The following ENTREP2 variants were observed in gnomAD, a reference collection of about 807,000 sequenced individuals.
ENTREP2 encodes the protein endosomal transmembrane epsin interactor 2, also known as protein ENTREP2.
the ENTREP2 span, among the ~76,000 whole-genome samples, chr15:29,345,537 C>T: frequency 6.6e-6 from 1 of 152,078 alleles, no homozygotes; most frequent in Admixed American, 6.5e-5. Flanking sequence ...GAGTTGATGC[C>T]CCCAGAGGAA....
At chr15:29,235,608 T>C in the ENTREP2 span, among the ~76,000 whole-genome samples, 273 of 152,342 alleles carry the variant, frequency 1.8e-3, 2 homozygotes, top group African/African-American at 6.0e-3. Context: ...TAGCACTAGA[T>C]GCTTACATAA....
the ENTREP2 span, among the ~76,000 whole-genome samples, chr15:29,576,426 G>A: frequency 6.6e-6 from 1 of 152,164 alleles, no homozygotes; most frequent in African/African-American, 2.4e-5. Flanking sequence ...TAGATTCTTA[G>A]ATATGACAAG....
At chr15:29,421,062 G>A in the ENTREP2 span, among the ~76,000 whole-genome samples, 31 of 152,340 alleles carry the variant, frequency 2.0e-4, no homozygotes, top group Non-Finnish European at 1.6e-4. Flanking sequence ...TGACAGCTGT[G>A]TACAGGCCTA....
At chr15:29,592,552 A>T in the ENTREP2 span, among the ~76,000 whole-genome samples, 1 of 152,176 alleles carries the variant, frequency 6.6e-6, no homozygotes, top group Non-Finnish European at 1.5e-5. Context: ...CGGAGCCCTC[A>T]GGGCCTAATT....
chr15:29,136,390 C>G, the ENTREP2 span: 7 of 1,519,230 alleles, frequency 4.6e-6, no homozygotes, highest in African/African-American at 7.0e-5. Context: ...GCTGGCCCAC[C>G]ACCGCCTCGT....
the ENTREP2 span, among the ~76,000 whole-genome samples, chr15:29,294,336 C>G: frequency 6.6e-6 from 1 of 152,212 alleles, no homozygotes; most frequent in African/African-American, 2.4e-5. Context: ...TGCCTTCAAC[C>G]TCAGCCCACT....
chr15:29,272,483 A>T, the ENTREP2 span, among the ~76,000 whole-genome samples: 5 of 151,936 alleles, frequency 3.3e-5, no homozygotes, highest in African/African-American at 1.2e-4. Context: ...TATTTGTTCT[A>T]CTTTATTGTT....
the ENTREP2 span, among the ~76,000 whole-genome samples, chr15:29,312,313 G>A: frequency 7.0e-6 from 1 of 142,058 alleles, no homozygotes; most frequent in Admixed American, 6.9e-5. Flanking sequence ...AAAAACAAAA[G>A]AATCCCCACA....
chr15:29,249,600 T>C, the ENTREP2 span, among the ~76,000 whole-genome samples: 1 of 152,202 alleles, frequency 6.6e-6, no homozygotes, highest in African/African-American at 2.4e-5. Flanking sequence ...ATAATTTTTA[T>C]ATATGAAATT....
chr15:29,291,311 C>A, the ENTREP2 span, among the ~76,000 whole-genome samples: 1 of 152,336 alleles, frequency 6.6e-6, no homozygotes, highest in South Asian at 2.1e-4. Flanking sequence ...GGCACCCCCA[C>A]TCCTGCCTTA....
At chr15:29,592,888 A>G in the ENTREP2 span, among the ~76,000 whole-genome samples, 1 of 152,132 alleles carries the variant, frequency 6.6e-6, no homozygotes, top group South Asian at 2.1e-4. Context: ...GATCTCTGCA[A>G]TCTCTGCACA....
chr15:29,476,267 T>C, the ENTREP2 span, among the ~76,000 whole-genome samples: 3 of 152,242 alleles, frequency 2.0e-5, no homozygotes, highest in Admixed American at 6.5e-5. Flanking sequence ...TTTTATTATA[T>C]GTTTATTGTT....
the ENTREP2 span, among the ~76,000 whole-genome samples, chr15:29,444,154 C>CAGAA: frequency 0.16 from 8,824 of 54,820 alleles, 1,403 homozygotes; most frequent in African/African-American, 0.23. Flanking sequence ...GAAAGACAGA[C>CAGAA]AGAAAGAAAG....
the ENTREP2 span, among the ~76,000 whole-genome samples, chr15:29,275,909 T>C: frequency 1.1e-4 from 17 of 152,270 alleles, no homozygotes; most frequent in Middle Eastern, 3.4e-3. Context: ...AGTGGGCCAA[T>C]GTGCAGCATG....
chr15:29,198,715 C>G, the ENTREP2 span, among the ~76,000 whole-genome samples: 5 of 152,246 alleles, frequency 3.3e-5, no homozygotes, highest in Non-Finnish European at 7.3e-5. Flanking sequence ...GCCTCATTCC[C>G]TGTCATTCCT....
the ENTREP2 span, among the ~76,000 whole-genome samples, chr15:29,573,370 T>C: frequency 6.6e-6 from 1 of 152,198 alleles, no homozygotes; most frequent in Non-Finnish European, 1.5e-5. Context: ...TAACAGAGTT[T>C]ACTTAAACAA....
chr15:29,447,964 G>A, the ENTREP2 span, among the ~76,000 whole-genome samples: 3 of 152,064 alleles, frequency 2.0e-5, no homozygotes, highest in Non-Finnish European at 4.4e-5. Flanking sequence ...TACTTGGGAG[G>A]CTAAGGCAGG....
At chr15:29,577,349 T>TGTGTGTGTGTGTGTGTGTGTGTGAGA in the ENTREP2 span, among the ~76,000 whole-genome samples, 1 of 144,334 alleles carries the variant, frequency 6.9e-6, no homozygotes, top group African/African-American at 2.6e-5. Flanking sequence ...TGTGTGTGTG[T>TGTGTGTGTGTGTGTGTGTGTGTGAGA]GAGAGAGAGA....
chr15:29,657,216 T>A, the ENTREP2 span, among the ~76,000 whole-genome samples: 1 of 118,396 alleles, frequency 8.4e-6, no homozygotes, highest in East Asian at 2.5e-4. Flanking sequence ...CCGCGCCAGC[T>A]TTTTTTTTTT....
Sources: allele counts gnomAD v4.1 joint callset (sites outside exome capture counted in the v4.1 genomes callset), GRCh38; gene constraint gnomAD v4.1.1; transcripts MANE v1.5; gene names NCBI Gene and HGNC (gene_info 2026-07-23, HGNC 2026-07-21).